Variants in THSD7B observed in about 807,000 individuals in gnomAD.
THSD7B encodes the protein thrombospondin type 1 domain containing 7B, also known as thrombospondin type-1 domain-containing protein 7B.
THSD7B carries 138 observed loss-of-function variants against 213.6 expected under a neutral mutation model. The ratio of observed to expected loss-of-function variants is 0.65; its 90% CI spans 0.56 to 0.74. The LOEUF is 0.74. Among genes scored for constraint, THSD7B ranks in the 30% least tolerant of loss-of-function variants. The pLI, the probability that THSD7B is intolerant of heterozygous loss-of-function variation, is 0.00. For synonymous variants in THSD7B, 742 were observed against 687.0 expected (o/e 1.08, Z -1.25); for missense variants, 1,931 against 1,991.5 (o/e 0.97, Z 0.58).
At chr2:137,039,923 A>G (rs1186357499) in intron 2 of THSD7B, among the ~76,000 whole-genome samples, 1 of 152,182 alleles carries the variant, frequency 6.6e-6, no homozygotes, top group Non-Finnish European at 1.5e-5. Context: ...TTCTGTCCAC[A>G]TGCTGTGCCC....
At position 137,095,136 on chromosome 2, in the gene THSD7B, T is replaced by C; in HGVS notation, c.1199+15T>C. ...CAATGTCCCAGGTATTACGCCTTTA[T>C]GCCTTCTTTAGTGTGAAGGAGGCAT... On this transcript the variant is annotated intron_variant, in intron 4 of 27. Coordinates refer to ENST00000409968, the MANE Select transcript of THSD7B (RefSeq NM_001316349.2). The C allele has an allele frequency of 6.2e-7, 1 of 1,612,196 alleles. No individual in the cohort carries two copies. The highest frequency in any genetic ancestry group is 8.5e-7 in the Non-Finnish European group (1 of 1,178,546).
At chr2:136,876,826 C>T (rs1013631125) in intron 1 of THSD7B, among the ~76,000 whole-genome samples, 5 of 152,138 alleles carry the variant, frequency 3.3e-5, no homozygotes, top group Admixed American at 6.5e-5. Flanking sequence ...TGTATGAACC[C>T]ACAGCTGAAA....
At position 137,301,135 on chromosome 2, in the gene THSD7B, C is replaced by T. The variant is rs74344703; in HGVS notation, c.2500+25109C>T. 3.9e-3 allele frequency among the ~76,000 whole-genome samples: 599 copies of T among 152,190 alleles called. 15 individuals are homozygous for T. The East Asian group carries it at 0.069, about 17-fold the overall frequency. On this transcript the variant is annotated intron_variant, in intron 12 of 27. Transcript: ENST00000409968. ...CTCTTTAAAACAAAATCATTCTACC[C>T]AGCACTGCATCACAGCTGGCCCGTT...
At chr2:137,632,195 T>A (rs565654820) in intron 20 of THSD7B, among the ~76,000 whole-genome samples, 1 of 152,198 alleles carries the variant, frequency 6.6e-6, no homozygotes, top group African/African-American at 2.4e-5. Context: ...TATATCACTA[T>A]AAAAATTATT....
At chr2:136,846,922 G>A (rs1453674121) in intron 1 of THSD7B, among the ~76,000 whole-genome samples, 3 of 152,010 alleles carry the variant, frequency 2.0e-5, no homozygotes, top group African/African-American at 7.2e-5. Context: ...TATTCTCCTG[G>A]GTCTGTGTGT....
intron 5 of THSD7B, among the ~76,000 whole-genome samples, chr2:137,156,791 C>T (rs1679919217): frequency 6.6e-6 from 1 of 152,156 alleles, no homozygotes; most frequent in South Asian, 2.1e-4. Context: ...CACTGTAGTG[C>T]TTGCCTACTG....
chr2:137,531,577 C>A (rs141620587), intron 15 of THSD7B, among the ~76,000 whole-genome samples: 85 of 151,988 alleles, frequency 5.6e-4, no homozygotes, highest in African/African-American at 1.6e-3. Context: ...TATAATTATA[C>A]CTTTAATTAC....
At chr2:136,952,365 C>T (rs1363744800) in intron 2 of THSD7B, among the ~76,000 whole-genome samples, 1 of 150,396 alleles carries the variant, frequency 6.6e-6, no homozygotes, top group African/African-American at 2.4e-5. Context: ...GAGTAATGTA[C>T]TATAGATTGC....
At chr2:137,211,346 A>ACACACACACACACACACACAGAGGCG (rs796485803) in intron 7 of THSD7B, among the ~76,000 whole-genome samples, 2 of 121,660 alleles carry the variant, frequency 1.6e-5, no homozygotes, top group African/African-American at 5.4e-5. Context: ...ACACACACAC[A>ACACACACACACACACACACAGAGGCG]CACACACACA....
intron 15 of THSD7B, among the ~76,000 whole-genome samples, chr2:137,463,809 A>G (rs544096595): frequency 6.6e-6 from 1 of 152,196 alleles, no homozygotes; most frequent in South Asian, 2.1e-4. Context: ...CAAATATCTC[A>G]TCTTCACTTG....
chr2:137,289,086 A>C (rs1683254879), intron 12 of THSD7B, among the ~76,000 whole-genome samples: 1 of 152,030 alleles, frequency 6.6e-6, no homozygotes, highest in South Asian at 2.1e-4. Flanking sequence ...GTTGCTCAGG[A>C]AATATTAATC....
intron 14 of THSD7B, among the ~76,000 whole-genome samples, chr2:137,415,664 GTT>G (rs10563702): frequency 0.47 from 36,922 of 79,310 alleles, 6,683 homozygotes; most frequent in East Asian, 0.55. Context: ...TTATATCAGT[GTT>G]TTTTTTTTTT....
intron 14 of THSD7B, among the ~76,000 whole-genome samples, chr2:137,436,556 T>A (rs1223859954): frequency 6.6e-6 from 1 of 152,176 alleles, no homozygotes; most frequent in Non-Finnish European, 1.5e-5. Context: ...ATCTTTTGCA[T>A]CTATTTAGCA....
intron 17 of THSD7B, among the ~76,000 whole-genome samples, chr2:137,597,365 C>A (rs1451051506): frequency 6.6e-6 from 1 of 151,538 alleles, no homozygotes; most frequent in African/African-American, 2.4e-5. Context: ...AAATAGGATT[C>A]TTTGTGTTTA....
chr2:136,782,990 C>T (rs1295999901), intron 1 of THSD7B, among the ~76,000 whole-genome samples: 1 of 152,192 alleles, frequency 6.6e-6, no homozygotes, highest in Non-Finnish European at 1.5e-5. Flanking sequence ...ATATGAATTT[C>T]ACATTTCAGA....
intron 5 of THSD7B, among the ~76,000 whole-genome samples, chr2:137,115,839 T>A (rs1688439467): frequency 1.3e-5 from 2 of 152,206 alleles, no homozygotes; most frequent in African/African-American, 2.4e-5. Context: ...TGTGTTTGTT[T>A]CAGAGTGTGG....
intron 25 of THSD7B, 132 bp downstream of exon 25, chr2:137,659,878 C>A (rs1186686264): frequency 3.0e-6 from 2 of 673,446 alleles, no homozygotes; most frequent in African/African-American, 1.9e-5. Flanking sequence ...GAGGCATTTG[C>A]AGGAGTAATC....
At chr2:137,402,642 C>A (rs919919223) in intron 12 of THSD7B, among the ~76,000 whole-genome samples, 1 of 151,772 alleles carries the variant, frequency 6.6e-6, no homozygotes, top group Non-Finnish European at 1.5e-5. Context: ...CATGATGAAA[C>A]CCCATCTCTA....
chr2:137,444,126 C>T (rs945566571), intron 14 of THSD7B, among the ~76,000 whole-genome samples: 21 of 151,976 alleles, frequency 1.4e-4, no homozygotes, highest in African/African-American at 4.8e-4. Flanking sequence ...AACCTAGGCA[C>T]TTTTTAACTA....
Sources: gnomAD v4.1 joint callset for allele counts (sites outside exome capture counted in the v4.1 genomes callset) on GRCh38, gnomAD v4.1.1 for gene constraint, MANE v1.5 for transcripts, NCBI Gene and HGNC (gene_info 2026-07-23, HGNC 2026-07-21) for gene names.